Variants in FRY observed in about 807,000 individuals in gnomAD.
The protein encoded by FRY is protein furry homolog.
In FRY, 128 loss-of-function variants were observed where a neutral mutation model predicts 348.4. That is an observed-to-expected ratio of 0.37 (90% CI 0.32 to 0.43). The LOEUF (loss-of-function observed/expected upper bound fraction) is 0.43, where lower values mean the gene tolerates loss of function less well. FRY is among the 20% of genes least tolerant of loss of function. FRY has a pLI of 1.00. For synonymous variants in FRY, 1,370 were observed against 1,374.7 expected, an observed-to-expected ratio of 1.00 and a Z score of 0.08; for missense variants, 2,736 against 3,695.2, an observed-to-expected ratio of 0.74 and a Z score of 6.73.
intron 36 of FRY, among the ~76,000 whole-genome samples, chr13:32,221,277 C>T (rs1234202288): frequency 6.6e-6 from 1 of 152,202 alleles, no homozygotes; most frequent in Non-Finnish European, 1.5e-5. Context: ...CTTCACACTA[C>T]CTTGCAGAAG....
chr13:32,117,039 A>G (rs547898413), intron 3 of FRY, among the ~76,000 whole-genome samples: 1 of 152,308 alleles, frequency 6.6e-6, no homozygotes, highest in Non-Finnish European at 1.5e-5. Context: ...TGGGAACATA[A>G]TATCTTTGCA....
At chr13:32,200,692 T>C (rs1431368101) in intron 29 of FRY, among the ~76,000 whole-genome samples, 3 of 152,200 alleles carry the variant, frequency 2.0e-5, no homozygotes, top group Admixed American at 6.5e-5. Flanking sequence ...AAAGATAACA[T>C]CTTTAAATAG....
At chr13:32,048,137 C>T (rs1873127117) in intron 1 of FRY, among the ~76,000 whole-genome samples, 1 of 152,190 alleles carries the variant, frequency 6.6e-6, no homozygotes, top group South Asian at 2.1e-4. Context: ...GGCACATTGG[C>T]TCTGTGAATA....
chr13:32,229,315 G>C (rs1885782997), intron 40 of FRY, among the ~76,000 whole-genome samples: 1 of 152,176 alleles, frequency 6.6e-6, no homozygotes, highest in Admixed American at 6.5e-5. Flanking sequence ...ACTTGTGACT[G>C]GGTGGCATGC....
intron 59 of FRY, among the ~76,000 whole-genome samples, chr13:32,294,037 C>A (rs897533984): frequency 6.6e-6 from 1 of 152,194 alleles, no homozygotes; most frequent in East Asian, 1.9e-4. Flanking sequence ...GCATTTGAAC[C>A]CAGATCTACT....
rs1175913012 is a variant in FRY, at chr13:32,210,947, G to A, written c.4504G>A (p.Glu1502Lys). 1 of 1,613,832 alleles carries A rather than the reference G, an allele frequency of 6.2e-7. No individual in the cohort carries two copies. The highest frequency in any genetic ancestry group is 8.5e-7 in the Non-Finnish European group (1 of 1,179,856). ...GCTTCTCTTTGAGCTGCAGCAGACA[G>A]AGCCCGTGAACCCCATCGTCCAGCA... is the stretch of plus-strand genomic sequence containing the variant. ...EELLFELQQTEPVNPIVQHCD... is the reference protein window; with the variant it reads ...EELLFELQQTKPVNPIVQHCD... The change falls in exon 34 of 61, where the codon GAG (glutamate) becomes AAG (lysine). Residue 1502 changes from glutamate to lysine, a missense_variant. Physicochemically the swap from Glu to Lys is moderately conservative, Grantham distance 56 (BLOSUM62 1). Coordinates refer to ENST00000542859, the MANE Select transcript of FRY (RefSeq NM_023037.3).
intron 3 of FRY, among the ~76,000 whole-genome samples, chr13:32,103,397 A>G (rs1877293804): frequency 6.6e-6 from 1 of 152,228 alleles, no homozygotes; most frequent in African/African-American, 2.4e-5. Context: ...TCAGCAAACT[A>G]TCACAAGGAC....
At chr13:32,102,722 C>T (rs1877244118) in intron 3 of FRY, among the ~76,000 whole-genome samples, 1 of 152,074 alleles carries the variant, frequency 6.6e-6, no homozygotes, top group Admixed American at 6.6e-5. Context: ...GGTTCAGTAA[C>T]CAGGAAGGCC....
At chr13:32,227,570 T>A (rs910256773) in intron 39 of FRY, among the ~76,000 whole-genome samples, 2 of 152,188 alleles carry the variant, frequency 1.3e-5, no homozygotes, top group African/African-American at 4.8e-5. Context: ...ACCAAGTATA[T>A]AATGAAGAAA....
At chr13:32,059,727 T>G (rs1046023533) in intron 1 of FRY, among the ~76,000 whole-genome samples, 71 of 152,278 alleles carry the variant, frequency 4.7e-4, no homozygotes, top group Non-Finnish European at 9.4e-4. Context: ...ATTATTCCCC[T>G]CTGCATTGGA....
intron 8 of FRY, among the ~76,000 whole-genome samples, chr13:32,132,307 A>G (rs1247853091): frequency 1.3e-5 from 2 of 151,830 alleles, no homozygotes; most frequent in African/African-American, 4.8e-5. Flanking sequence ...CCATCATGGT[A>G]CATAACAAAA....
chr13:32,057,829 G>T (rs1873722525), intron 1 of FRY, among the ~76,000 whole-genome samples: 1 of 151,942 alleles, frequency 6.6e-6, no homozygotes, highest in Admixed American at 6.6e-5. Context: ...GTGTGGTGGC[G>T]GGCACCTGTA....
Position 32,238,094 on chromosome 13 carries a change from A to C in FRY, c.6418+108A>C, listed in dbSNP as rs947688291. 2.5e-4 allele frequency: 317 copies of C among 1,264,930 alleles called. 2 individuals are homozygous for C. The highest frequency in any genetic ancestry group is 3.3e-5 in the Non-Finnish European group (29 of 876,426). 78.4% of individuals were successfully genotyped at this position (1,264,930 alleles called of 1,614,324 possible). A position where few individuals can be genotyped will look rare whatever the true frequency, so the allele number is the denominator to read the frequency against. ...CTGCTTTTAACAATTCTGCTTAAAAATGGTTCCTTGGGAGTAGTTTATTTT... is the reference window on the plus strand; with the variant it reads ...CTGCTTTTAACAATTCTGCTTAAAACTGGTTCCTTGGGAGTAGTTTATTTT... On this transcript the variant is annotated intron_variant, in intron 44 of 60. Transcript: ENST00000542859.
At chr13:32,276,264 G>A (rs376923447) in intron 56 of FRY, among the ~76,000 whole-genome samples, 200 bp from the exon 57 acceptor site, 5 of 152,174 alleles carry the variant, frequency 3.3e-5, no homozygotes, top group African/African-American at 1.2e-4. Flanking sequence ...CGTTTTCATA[G>A]GAGGTGTGCA....
intron 41 of FRY, among the ~76,000 whole-genome samples, chr13:32,233,249 C>T (rs1205018119): frequency 1.3e-5 from 2 of 152,168 alleles, no homozygotes; most frequent in Non-Finnish European, 2.9e-5. Flanking sequence ...AGAGCAATGA[C>T]ATTGAATTAT....
chr13:32,204,572 T>C (rs1048436206), intron 31 of FRY, among the ~76,000 whole-genome samples: 2 of 152,234 alleles, frequency 1.3e-5, no homozygotes, highest in Admixed American at 6.5e-5. Context: ...TTGTAAATCT[T>C]TGCTTCTGTA....
chr13:32,054,208 CT>C (rs145256787), intron 1 of FRY, among the ~76,000 whole-genome samples: 6 of 148,810 alleles, frequency 4.0e-5, no homozygotes, highest in Admixed American at 1.3e-4. Flanking sequence ...TGAACACACC[CT>C]TTTTTTTTTG....
chr13:32,136,900 CTG>C lies in FRY; in HGVS notation c.1111_1112del (p.Val371GlnfsTer22). Reference sequence around the variant, plus strand: ...TGTACCCCCTGGTGACCTGTTTGCTCTGTGTCAGTCAGAAGCAGCTGTTCCTG... The same window carrying C: ...TGTACCCCCTGGTGACCTGTTTGCTCTGTCAGTCAGAAGCAGCTGTTCCTG... ...ALYPLVTCLL[C>X]VSQKQLFLNR... On this transcript the variant is annotated frameshift_variant, in exon 11 of 61. Coordinates refer to ENST00000542859, the MANE Select transcript of FRY (RefSeq NM_023037.3). LOFTEE classifies it high-confidence loss of function. 1 of 1,608,978 alleles carries C rather than the reference CTG, an allele frequency of 6.2e-7. No individual in the cohort carries two copies. Among genetic ancestry groups the C allele is most frequent in the Non-Finnish European group, 8.5e-7 (1 of 1,175,322 alleles).
chr13:32,225,961 A>G lies in FRY; in HGVS notation c.5193A>G (p.Glu1731=). 6.2e-7 allele frequency: 1 copy of G among 1,614,038 alleles called. No individual in the cohort carries two copies. Among genetic ancestry groups the G allele is most frequent in the Non-Finnish European group, 8.5e-7 (1 of 1,179,900 alleles). ...CCGTGCAGCCAGCCTACCAACCTGA[A>G]TATCTCTATACAGGTAACAGAGAAG... The part of the protein sequence containing the change: ...TLTVQPAYQP[E]YLYTGGFDFL... Residue 1731 remains glutamate (E), a synonymous_variant, in exon 39 of 61, where the codon GAA becomes GAG. Transcript: ENST00000542859.
Sources: allele counts gnomAD v4.1 joint callset (sites outside exome capture counted in the v4.1 genomes callset), GRCh38; gene constraint gnomAD v4.1.1; transcripts MANE v1.5; gene names NCBI Gene and HGNC (gene_info 2026-07-23, HGNC 2026-07-21).